NPLOC4: variants seen among roughly 807,000 people sequenced by gnomAD.
NPLOC4 encodes the protein NPL4 homolog, ubiquitin recognition factor.
A neutral mutation model predicts 80.6 loss-of-function variants in NPLOC4; 18 were observed. That is an observed-to-expected ratio of 0.22 (90% CI 0.15 to 0.33). NPLOC4 has a LOEUF of 0.33. Ranked by LOEUF, NPLOC4 falls within the 10% of genes least tolerant of loss-of-function variation. NPLOC4 has a pLI of 1.00. For synonymous variants in NPLOC4, 313 were observed against 301.5 expected (o/e 1.04, Z -0.39); for missense variants, 540 against 786.1 (o/e 0.69, Z 3.74).
intron 9 of NPLOC4, 142 bp from the exon 10 acceptor site, chr17:81,597,458 G>A: frequency 7.8e-6 from 5 of 638,846 alleles, no homozygotes. Flanking sequence ...AGACCATCCT[G>A]GCCAATACAG....
chr17:81,600,916 G>A (rs1208759369), intron 8 of NPLOC4, among the ~76,000 whole-genome samples: 2 of 152,204 alleles, frequency 1.3e-5, no homozygotes, highest in Admixed American at 6.5e-5. Context: ...TGGCTTCACA[G>A]CTAAGATACT....
rs1788529974 is a variant in NPLOC4, at chr17:81,612,488, C to A, written c.386+830G>T. Among the ~76,000 whole-genome samples, 3 of 152,304 alleles carry A rather than the reference C, an allele frequency of 2.0e-5. No individual in the cohort carries two copies. The South Asian group carries it at 6.2e-4, about 32-fold the overall frequency. On this transcript the variant is annotated intron_variant, in intron 4 of 16. Transcript: ENST00000331134. ...GCTAATGGCTATGGCTACAAAGTGG[C>A]TCCATGCCAATGGCAGGAGAGCACC...
At chr17:81,600,195 AAAAC>A (rs1168208529) in intron 9 of NPLOC4, 142 bp downstream of exon 9, 3 of 617,450 alleles carry the variant, frequency 4.9e-6, no homozygotes, top group Non-Finnish European at 5.8e-6. Flanking sequence ...GTGAAGTTTC[AAAAC>A]ATATAGTGCC....
At position 81,567,669 on chromosome 17, in the gene NPLOC4, G is replaced by A. The variant is rs541343148; in HGVS notation, c.1450-136C>T. 2.2e-5 allele frequency: 14 copies of A among 622,918 alleles called. No individual in the cohort carries two copies. Among genetic ancestry groups the A allele is most frequent in the Middle Eastern group, 2.7e-4 (1 of 3,664 alleles). The allele number at this position is 622,918 out of a possible 1,614,324, so 38.6% of individuals were successfully genotyped here. On this transcript the variant is annotated intron_variant, in intron 14 of 16. Transcript: ENST00000331134. This position sits in a 1 kb window ranked among gnomAD's most constrained non-coding sequence, Gnocchi z 4.5. ...CCTCTCCCTCTGCCTCTGCAACCAC[G>A]AACAGGGTCCAAGAAAGAGGAGCAG...
At chr17:81,595,857 T>G (rs569381194) in intron 11 of NPLOC4, among the ~76,000 whole-genome samples, 3 of 152,158 alleles carry the variant, frequency 2.0e-5, no homozygotes, top group Non-Finnish European at 4.4e-5. Context: ...AAAGTGGACT[T>G]TTAATGAGAG....
chr17:81,607,187 G>A (rs964626128), intron 6 of NPLOC4, among the ~76,000 whole-genome samples: 1 of 152,158 alleles, frequency 6.6e-6, no homozygotes, highest in African/African-American at 2.4e-5. Flanking sequence ...TCATTAAATT[G>A]TCAGAAACTT....
rs199514365 is a variant in NPLOC4, at chr17:81,587,077, G to A, written c.1281+1867C>T. On this transcript the variant is annotated intron_variant, in intron 12 of 16. Coordinates refer to ENST00000331134, the MANE Select transcript of NPLOC4 (RefSeq NM_017921.4). ...GACGGTCCACGGAAAACACATTGCAGCTGCAGACCCACATATGCTAACCCA... is the reference window on the plus strand; with the variant it reads ...GACGGTCCACGGAAAACACATTGCAACTGCAGACCCACATATGCTAACCCA... Among the ~76,000 whole-genome samples, 18 of 152,308 alleles carry A rather than the reference G, an allele frequency of 1.2e-4. No homozygotes were observed. In the East Asian group the frequency reaches 3.5e-3, roughly 29 times the overall value.
At position 81,629,442 on chromosome 17, in the gene NPLOC4, T is replaced by A. The variant is rs541869145; in HGVS notation, c.96+283A>T. On this transcript the variant is annotated intron_variant, in intron 2 of 16. Coordinates refer to ENST00000331134, the MANE Select transcript of NPLOC4 (RefSeq NM_017921.4). The stretch of plus-strand genomic sequence containing the variant: ...TCACTTCGTGATCCACCCGCCTTGG[T>A]CTCCCGAAGTGCTGGGATTACAGGT... Among the ~76,000 whole-genome samples, 6 of 152,080 alleles carry A rather than the reference T, an allele frequency of 3.9e-5. No homozygotes were observed. The East Asian group carries it at 1.2e-3, about 30-fold the overall frequency.
chr17:81,633,474 T>G (rs934786545), intron 1 of NPLOC4, among the ~76,000 whole-genome samples: 2 of 152,164 alleles, frequency 1.3e-5, no homozygotes, highest in African/African-American at 4.8e-5. Context: ...GAGTCCAGGT[T>G]TCCAAGGCCA....
chr17:81,568,717 C>G (rs560992338), intron 14 of NPLOC4, among the ~76,000 whole-genome samples: 125 of 152,362 alleles, frequency 8.2e-4, no homozygotes, highest in African/African-American at 2.9e-3. Context: ...CCAGGCCAAA[C>G]CAACAGTGAC....
chr17:81,574,861 CCAAA>C (rs201438094), intron 12 of NPLOC4, among the ~76,000 whole-genome samples: 1,564 of 145,866 alleles, frequency 0.011, 31 homozygotes, highest in African/African-American at 0.036. Flanking sequence ...AAGACTGTCT[CCAAA>C]CAAACAAACA....
rs71367067 is a variant in NPLOC4 at position 81,591,447 on chromosome 17, G to GAAAAAA, written c.1121-2349_1121-2344dup. 1.5e-3 allele frequency among the ~76,000 whole-genome samples: 114 copies of GAAAAAA among 76,328 alleles called. 12 individuals carry two copies. Among genetic ancestry groups the GAAAAAA allele is most frequent in the Non-Finnish European group, 2.1e-3 (88 of 41,748 alleles). The allele number at this position is 76,328 out of a possible 152,430, so 50.1% of individuals were successfully genotyped here. ...AAGACTCCATCTCTGGAGTAAAACA[G>GAAAAAA]AAAAAAAAAAAAAAAAAAAAAAAAA... On this transcript the variant is annotated intron_variant, in intron 11 of 16. Transcript: ENST00000331134.
intron 12 of NPLOC4, among the ~76,000 whole-genome samples, chr17:81,585,577 G>A (rs934537704): frequency 1.4e-5 from 2 of 146,366 alleles, no homozygotes; most frequent in Admixed American, 6.8e-5. Context: ...CAGGAGAATC[G>A]CAGAACTCAG....
At chr17:81,630,215 A>T (rs1022926245) in intron 1 of NPLOC4, among the ~76,000 whole-genome samples, 1 of 150,974 alleles carries the variant, frequency 6.6e-6, no homozygotes, top group African/African-American at 2.4e-5. Context: ...TTGTTCCAGG[A>T]TCTATATACA....
At chr17:81,600,553 C>A in intron 8 of NPLOC4, 126 bp from the exon 9 acceptor site, 1 of 688,452 alleles carries the variant, frequency 1.5e-6, no homozygotes, top group Non-Finnish European at 2.6e-6. Flanking sequence ...GAAAGGAGAA[C>A]TATAGCCACA....
intron 5 of NPLOC4, 74 bp from the exon 6 acceptor site, chr17:81,608,896 ACAGGGG>A: frequency 8.4e-7 from 1 of 1,197,050 alleles, no homozygotes; most frequent in Non-Finnish European, 1.2e-6. Context: ...TCTGCTACGC[ACAGGGG>A]GAGGCCAGCA....
intron 13 of NPLOC4, 85 bp downstream of exon 13, chr17:81,571,932 C>G: frequency 1.0e-6 from 1 of 971,504 alleles, no homozygotes; most frequent in Non-Finnish European, 1.5e-6. Flanking sequence ...GCAGCCTCCT[C>G]CCTTGAGCAG....
rs114862195 is a variant in NPLOC4 at position 81,598,723 on chromosome 17, G to A, written c.922-1407C>T. On this transcript the variant is annotated intron_variant, in intron 9 of 16. Coordinates refer to ENST00000331134, the MANE Select transcript of NPLOC4 (RefSeq NM_017921.4). ...ACCAGAAGCCCGTCACGAGGCCACA[G>A]GAGCAGCAGTTGAGTCCCGGCAATT... Among the ~76,000 whole-genome samples the A allele has an allele frequency of 4.6e-3, 699 of 152,266 alleles. 8 individuals are homozygous for A. The highest frequency in any genetic ancestry group is 0.016 in the African/African-American group (651 of 41,554).
At chr17:81,593,775 G>T (rs767893005) in intron 11 of NPLOC4, among the ~76,000 whole-genome samples, 1 of 151,642 alleles carries the variant, frequency 6.6e-6, no homozygotes, top group African/African-American at 2.4e-5. Flanking sequence ...GAGCGCCTTT[G>T]TTCTCTGCTC....
Sources: gnomAD v4.1 joint callset for allele counts (sites outside exome capture counted in the v4.1 genomes callset) on GRCh38, gnomAD v4.1.1 for gene constraint, Gnocchi (gnomAD v3.1) non-coding constraint, MANE v1.5 for transcripts, NCBI Gene and HGNC (gene_info 2026-07-23, HGNC 2026-07-21) for gene names.